The following BMPR2 variants were observed in gnomAD, a reference collection of about 807,000 sequenced individuals.
The protein encoded by BMPR2 is bone morphogenetic protein receptor type-2.
In BMPR2, 29 loss-of-function variants were observed where a neutral mutation model predicts 100.8. That is an observed-to-expected ratio of 0.29 (90% CI 0.21 to 0.39). The LOEUF is 0.39. Ranked by LOEUF, BMPR2 falls within the 10% of genes least tolerant of loss-of-function variation. The probability of loss-of-function intolerance (pLI) is 1.00; values close to 1 mark genes in which losing one functional copy is unlikely to be tolerated. For missense variants in BMPR2, 1,011 were observed against 1,274.5 expected (o/e 0.79, Z 3.15); for synonymous variants, 382 against 442.3 (o/e 0.86, Z 1.71).
intron 9 of BMPR2, among the ~76,000 whole-genome samples, chr2:202,541,357 G>C (rs554790854): frequency 6.6e-6 from 1 of 151,454 alleles, no homozygotes; most frequent in African/African-American, 2.5e-5. Context: ...TTGAGTGCAG[G>C]AGTTCAAGTT....
chr2:202,533,594 G>A (rs566097426), intron 9 of BMPR2, among the ~76,000 whole-genome samples: 1 of 152,188 alleles, frequency 6.6e-6, no homozygotes, highest in Non-Finnish European at 1.5e-5. Flanking sequence ...GGAGGCCAAG[G>A]CAGGCGGATC....
intron 1 of BMPR2, among the ~76,000 whole-genome samples, chr2:202,436,583 A>G (rs1329853872): frequency 1.3e-5 from 2 of 150,784 alleles, no homozygotes; most frequent in Non-Finnish European, 2.9e-5. Context: ...TGCATGGCCT[A>G]TCTTTTGAAT....
chr2:202,509,659 T>G (rs1687586098), intron 3 of BMPR2, among the ~76,000 whole-genome samples: 1 of 151,884 alleles, frequency 6.6e-6, no homozygotes, highest in Admixed American at 6.6e-5. Context: ...AATCTAACCT[T>G]TGTTACATTA....
chr2:202,439,264 C>T (rs116540939), intron 1 of BMPR2, among the ~76,000 whole-genome samples: 1,737 of 149,744 alleles, frequency 0.012, 33 homozygotes, highest in Middle Eastern at 0.02. Context: ...ATTTGGATTG[C>T]TCATTGCTAG....
At chr2:202,403,987 A>T (rs1465703167) in intron 1 of BMPR2, among the ~76,000 whole-genome samples, 1 of 150,038 alleles carries the variant, frequency 6.7e-6, no homozygotes, top group Non-Finnish European at 1.5e-5. Flanking sequence ...CCTGGACAAC[A>T]ACAGCAAAAC....
intron 1 of BMPR2, among the ~76,000 whole-genome samples, chr2:202,393,998 A>G (rs977275688): frequency 6.6e-6 from 1 of 150,420 alleles, no homozygotes; most frequent in Non-Finnish European, 1.5e-5. Context: ...TTGGAGGAGC[A>G]GTGAATTTCT....
chr2:202,485,078 C>T (rs1286660196), intron 3 of BMPR2, among the ~76,000 whole-genome samples: 2 of 151,892 alleles, frequency 1.3e-5, no homozygotes, highest in African/African-American at 2.4e-5. Context: ...CCTCCCGACT[C>T]GGCCTCCCAA....
At chr2:202,434,276 C>T (rs1691563262) in intron 1 of BMPR2, among the ~76,000 whole-genome samples, 1 of 150,518 alleles carries the variant, frequency 6.6e-6, no homozygotes, top group Admixed American at 6.6e-5. Context: ...ATCCTGAAGA[C>T]AGGGCATAAT....
At chr2:202,438,127 A>G (rs1233346516) in intron 1 of BMPR2, among the ~76,000 whole-genome samples, 1 of 149,920 alleles carries the variant, frequency 6.7e-6, no homozygotes, top group East Asian at 1.9e-4. Context: ...CACCCTGACC[A>G]ACATGGAGAA....
intron 3 of BMPR2, among the ~76,000 whole-genome samples, chr2:202,476,279 C>A (rs576947645): frequency 1.5e-4 from 23 of 152,056 alleles, no homozygotes; most frequent in Middle Eastern, 3.4e-3. Flanking sequence ...TCTCTTCCTG[C>A]CTTAACTGTG....
At chr2:202,450,562 A>G (rs1691958065) in intron 1 of BMPR2, among the ~76,000 whole-genome samples, 1 of 151,816 alleles carries the variant, frequency 6.6e-6, no homozygotes, top group Non-Finnish European at 1.5e-5. Context: ...ATGGTGGCGC[A>G]TGCCTATAAT....
chr2:202,467,908 C>T (rs113464122), intron 3 of BMPR2, among the ~76,000 whole-genome samples: 31 of 151,864 alleles, frequency 2.0e-4, no homozygotes, highest in African/African-American at 6.0e-4. Context: ...ATTAGCCGGG[C>T]GTAGTGGTAG....
rs775892787 is a variant in BMPR2 at position 202,559,817 on chromosome 2, G to A, written c.2988G>A (p.Leu996=). 1 of 1,614,054 alleles carries A rather than the reference G, an allele frequency of 6.2e-7. No homozygotes were observed. Among genetic ancestry groups the A allele is most frequent in the Admixed American group, 1.7e-5 (1 of 59,988 alleles). The change falls in exon 13 of 13, where the codon CTG becomes CTA. Residue 996 remains leucine (L), a synonymous_variant. Coordinates refer to ENST00000374580, the MANE Select transcript of BMPR2 (RefSeq NM_001204.7). The part of the protein sequence containing the change: ...PSTWVISTES[L]DCEVNNNGSN... ...CCTGGGTCATCTCCACTGAATCGCT[G>A]GACTGTGAAGTCAACAATAATGGCA...
chr2:202,546,151 C>A (rs1688371045), intron 10 of BMPR2, among the ~76,000 whole-genome samples: 1 of 152,116 alleles, frequency 6.6e-6, no homozygotes, highest in East Asian at 1.9e-4. Context: ...CCAGGGAATC[C>A]ATTTAAATCT....
rs1041980692 is a variant in BMPR2 at position 202,495,557 on chromosome 2, C to T, written c.419-18162C>T. 2.6e-5 allele frequency among the ~76,000 whole-genome samples: 4 copies of T among 152,038 alleles called. No homozygotes were observed. The highest frequency in any genetic ancestry group is 4.4e-5 in the Non-Finnish European group (3 of 68,002). ...TTATAGGCCCAGGATGGGGACATGG[C>T]GGGTCCGGGTGGTCTTGGAAATGCA... On this transcript the variant is annotated intron_variant, in intron 3 of 12. Transcript: ENST00000374580. This position sits in a 1 kb window ranked among gnomAD's most constrained non-coding sequence, Gnocchi z 4.5.
intron 2 of BMPR2, chr2:202,467,188 G>A (rs556406579): frequency 4.8e-5 from 16 of 331,852 alleles, no homozygotes; most frequent in South Asian, 3.1e-4. Context: ...GCTTGAACCC[G>A]GGAGGTGGAG....
At chr2:202,435,787 T>C (rs1691603811) in intron 1 of BMPR2, among the ~76,000 whole-genome samples, 2 of 150,414 alleles carry the variant, frequency 1.3e-5, no homozygotes, top group Non-Finnish European at 2.9e-5. Flanking sequence ...TACTATTGTG[T>C]TGCAGCAACC....
chr2:202,386,152 C>T (rs1165351958), intron 1 of BMPR2, among the ~76,000 whole-genome samples: 2 of 152,160 alleles, frequency 1.3e-5, no homozygotes, highest in Non-Finnish European at 2.9e-5. Context: ...TCTGCACCCA[C>T]CCTCTTGGTG....
chr2:202,564,585 C>T lies in BMPR2; in HGVS notation c.*4639C>T, dbSNP rs1394307132. The T allele has an allele frequency of 2.0e-5, 3 of 152,132 alleles. No homozygotes were observed. Among genetic ancestry groups the T allele is most frequent in the Non-Finnish European group, 2.9e-5 (2 of 68,036 alleles). 9.4% of individuals were successfully genotyped at this position (152,132 alleles called of 1,614,324 possible). On this transcript the variant is annotated 3_prime_UTR_variant, in exon 13 of 13. Transcript: ENST00000374580. ...TACCCAAAACTATCTTGCATGATTC[C>T]CTCCTAAATATATTCCTTGATTAAG...
Sources: allele counts gnomAD v4.1 joint callset (sites outside exome capture counted in the v4.1 genomes callset), GRCh38; gene constraint gnomAD v4.1.1; non-coding constraint Gnocchi (gnomAD v3.1); transcripts MANE v1.5; gene names NCBI Gene and HGNC (gene_info 2026-07-23, HGNC 2026-07-21).